Variants in PUDP observed in about 807,000 individuals in gnomAD.
PUDP encodes pseudouridine 5'-phosphatase.
Under a neutral mutation model 9.4 loss-of-function variants are expected in PUDP, and 8 were observed. That is an observed-to-expected ratio of 0.85 (90% CI 0.50 to 1.53). PUDP has a LOEUF of 1.53. Among genes scored for constraint, PUDP ranks in the 40% most tolerant of loss-of-function variants. The pLI is 0.00. For synonymous variants in PUDP, 99 were observed against 80.7 expected, an observed-to-expected ratio of 1.23 and a Z score of -1.22; for missense variants, 188 against 189.7, an observed-to-expected ratio of 0.99 and a Z score of 0.05.
At chrX:6,837,451 G>C (rs2146715639) in intron 3 of PUDP, among the ~76,000 whole-genome samples, 1 of 112,862 alleles carries the variant, frequency 8.9e-6, no homozygotes, top group African/African-American at 3.2e-5. Flanking sequence ...TCGCACTTGG[G>C]AAATCTCAGA....
At chrX:7,001,912 TC>T (rs1929330584) in intron 1 of PUDP, among the ~76,000 whole-genome samples, 1 of 111,249 alleles carries the variant, frequency 9.0e-6, no homozygotes. Context: ...GGAAAGCACT[TC>T]TTAAATCAAA....
At chrX:7,102,393 C>T (rs1327022127) in intron 2 of PUDP, among the ~76,000 whole-genome samples, 2 of 106,092 alleles carry the variant, frequency 1.9e-5, no homozygotes, top group Admixed American at 1.0e-4. Flanking sequence ...CACCCTTTCA[C>T]GATTAAAAAC....
Position 7,019,238 on chromosome X carries a change from AC to A in PUDP, c.205-40896del, listed in dbSNP as rs1447174045. Among the ~76,000 whole-genome samples the A allele has an allele frequency of 2.7e-5, 3 of 111,325 alleles. No homozygotes were observed. The East Asian group carries it at 8.5e-4, about 32-fold the overall frequency. ...GAATTTTCTTGCCCAAGACCTAAGA[AC>A]CCTCTCTTGGGGTCTGGATCGGGAC... On this transcript the variant is annotated intron_variant and NMD_transcript_variant, in intron 1 of 3. Coordinates refer to the PUDP transcript ENST00000655425.
At chrX:7,111,720 C>T (rs923031815) in intron 1 of PUDP, among the ~76,000 whole-genome samples, 7 of 111,940 alleles carry the variant, frequency 6.3e-5, no homozygotes, top group Non-Finnish European at 1.3e-4. Context: ...GGCTTGCACA[C>T]CTCTAAAATG....
intron 3 of PUDP, among the ~76,000 whole-genome samples, chrX:6,776,924 G>C (rs945317675): frequency 8.9e-6 from 1 of 111,953 alleles, no homozygotes; most frequent in African/African-American, 3.2e-5. Context: ...ATATTTCCTT[G>C]AGTTAAATTC....
At chrX:7,044,645 G>A (rs1411294917), downstream of PUDP, among the ~76,000 whole-genome samples, 1 of 111,897 alleles carries the variant, frequency 8.9e-6, no homozygotes, top group Non-Finnish European at 1.9e-5. Context: ...CCACAAGGTG[G>A]GTACCAACAT....
chrX:6,719,248 T>C (rs1924634557), intron 1 of PUDP, among the ~76,000 whole-genome samples: 1 of 111,905 alleles, frequency 8.9e-6, no homozygotes, highest in Non-Finnish European at 1.9e-5. Context: ...TCTCCCTGTG[T>C]CCTCACACAA....
At chrX:7,011,526 A>G (rs1269348606) in intron 1 of PUDP, among the ~76,000 whole-genome samples, 2 of 109,673 alleles carry the variant, frequency 1.8e-5, no homozygotes, top group Non-Finnish European at 3.8e-5. Flanking sequence ...TCATGAAAGC[A>G]TAGCTCCTTT....
intron 3 of PUDP, among the ~76,000 whole-genome samples, chrX:6,942,499 C>A (rs1314008940): frequency 9.0e-6 from 1 of 111,675 alleles, no homozygotes; most frequent in Non-Finnish European, 1.9e-5. Flanking sequence ...GCATTTGCTG[C>A]TTCTTAATTG....
intron 3 of PUDP, among the ~76,000 whole-genome samples, chrX:6,918,449 T>C (rs186139985): frequency 4.9e-5 from 5 of 102,726 alleles, no homozygotes; most frequent in African/African-American, 1.4e-4. Context: ...TGAGCTTTTC[T>C]TTGAAATACA....
At chrX:7,093,803 C>T (rs1234001972) in intron 2 of PUDP, among the ~76,000 whole-genome samples, 1 of 112,064 alleles carries the variant, frequency 8.9e-6, no homozygotes, top group Non-Finnish European at 1.9e-5. Flanking sequence ...AGAACCACCA[C>T]ACATTTAGAA....
At chrX:6,789,871 G>GATAA (rs1925712943) in intron 3 of PUDP, among the ~76,000 whole-genome samples, 1 of 110,784 alleles carries the variant, frequency 9.0e-6, no homozygotes, top group African/African-American at 3.3e-5. Flanking sequence ...ACGATTGATA[G>GATAA]ATGATAGATA....
intron 3 of PUDP, among the ~76,000 whole-genome samples, chrX:6,957,557 T>C (rs1439994011): frequency 9.0e-6 from 1 of 111,642 alleles, no homozygotes; most frequent in Non-Finnish European, 1.9e-5. Context: ...TCCTCTTCAT[T>C]ATAAATTATC....
chrX:6,719,838 C>T (rs954777110), intron 1 of PUDP, among the ~76,000 whole-genome samples: 1 of 111,984 alleles, frequency 8.9e-6, no homozygotes, highest in African/African-American at 3.2e-5. Context: ...TGTTTCACAA[C>T]ATGGTAAGCT....
At chrX:6,788,500 C>G (rs1298426326) in intron 3 of PUDP, among the ~76,000 whole-genome samples, 1 of 111,551 alleles carries the variant, frequency 9.0e-6, no homozygotes, top group Non-Finnish European at 1.9e-5. Flanking sequence ...CCTAGGAGTT[C>G]CAGACCAGCC....
intron 3 of PUDP, among the ~76,000 whole-genome samples, chrX:6,917,299 C>T (rs978964657): frequency 9.2e-6 from 1 of 108,727 alleles, no homozygotes; most frequent in South Asian, 4.0e-4. Context: ...CCCAGGAGGT[C>T]GAAAGTACAG....
intron 3 of PUDP, among the ~76,000 whole-genome samples, chrX:6,828,364 ATGTGTG>A (rs72476427): frequency 2.8e-5 from 3 of 106,966 alleles, no homozygotes; most frequent in South Asian, 4.1e-4. Context: ...GTTGCTATAT[ATGTGTG>A]TGTGTGTGTG....
intron 3 of PUDP, among the ~76,000 whole-genome samples, chrX:6,752,919 G>C (rs192253433): frequency 2.3e-3 from 261 of 111,760 alleles, no homozygotes; most frequent in Non-Finnish European, 3.8e-3. Flanking sequence ...TGTGTAATTA[G>C]TTAAATATAT....
intron 3 of PUDP, among the ~76,000 whole-genome samples, chrX:6,944,242 C>T (rs767880857): frequency 1.3e-3 from 146 of 111,231 alleles, no homozygotes; most frequent in African/African-American, 4.2e-3. Flanking sequence ...CTCCTGCCAC[C>T]TTGTGAAGAA....
Sources: allele counts gnomAD v4.1 joint callset (sites outside exome capture counted in the v4.1 genomes callset), GRCh38; gene constraint gnomAD v4.1.1; transcripts MANE v1.5; gene names NCBI Gene and HGNC (gene_info 2026-07-23, HGNC 2026-07-21).